The following MALT1 variants were observed in gnomAD, a reference collection of about 807,000 sequenced individuals.
The protein encoded by MALT1 is MALT1 paracaspase.
In MALT1, 36 loss-of-function variants were observed where a neutral mutation model predicts 85.5. The ratio of observed to expected loss-of-function variants is 0.42; its 90% CI spans 0.32 to 0.56. The LOEUF (loss-of-function observed/expected upper bound fraction) is 0.56. Among genes scored for constraint, MALT1 ranks in the 20% least tolerant of loss-of-function variants. The pLI is 0.10. For missense variants in MALT1, 716 were observed against 981.6 expected, an observed-to-expected ratio of 0.73 and a Z score of 3.62; for synonymous variants, 359 against 361.3, an observed-to-expected ratio of 0.99 and a Z score of 0.07.
chr18:58,710,829 A>T, intron 6 of MALT1, 92 bp from the exon 7 acceptor site: 1 of 762,408 alleles, frequency 1.3e-6, no homozygotes, highest in Non-Finnish European at 2.2e-6. Flanking sequence ...TGCCAACATT[A>T]TCTCTATGAT....
intron 2 of MALT1, among the ~76,000 whole-genome samples, chr18:58,694,830 T>A (rs1379632088): frequency 6.6e-6 from 1 of 152,188 alleles, no homozygotes; most frequent in South Asian, 2.1e-4. Context: ...GGTTGGAGGA[T>A]CTTCTCAGAT....
chr18:58,677,648 T>A (rs1001523233), intron 1 of MALT1: 2 of 151,240 alleles, frequency 1.3e-5, no homozygotes, highest in East Asian at 3.8e-4. Context: ...CTTTAACACC[T>A]AAAAATGGAA....
chr18:58,728,614 A>C (rs2055099666), intron 10 of MALT1, among the ~76,000 whole-genome samples: 1 of 152,172 alleles, frequency 6.6e-6, no homozygotes, highest in Non-Finnish European at 1.5e-5. Flanking sequence ...CAAATAAATA[A>C]ATAAATAAAT....
At position 58,710,089 on chromosome 18, in the gene MALT1, C is replaced by T. The variant is rs1418804438; in HGVS notation, c.925+17C>T. The T allele has an allele frequency of 6.0e-6, 9 of 1,510,410 alleles. No individual in the cohort carries two copies. Among genetic ancestry groups the T allele is most frequent in the Non-Finnish European group, 8.3e-6 (9 of 1,088,120 alleles). 93.6% of individuals were successfully genotyped at this position (1,510,410 alleles called of 1,614,324 possible). ...TCATCATAGGTAAGAAGTATTTCCC[C>T]AGTGTTCTGACAAGTGGACTATAAT... On this transcript the variant is annotated intron_variant, in intron 6 of 16. Coordinates refer to ENST00000649217, the MANE Select transcript of MALT1 (RefSeq NM_006785.4).
intron 14 of MALT1, among the ~76,000 whole-genome samples, chr18:58,742,907 A>G (rs547706251): frequency 6.6e-6 from 1 of 152,346 alleles, no homozygotes; most frequent in African/African-American, 2.4e-5. Context: ...CTGTAGCTTA[A>G]TTACCTTTTG....
intron 15 of MALT1, 60 bp downstream of exon 15, chr18:58,744,555 T>G (rs1171809458): frequency 9.6e-7 from 1 of 1,044,190 alleles, no homozygotes; most frequent in Non-Finnish European, 1.4e-6. Flanking sequence ...AAGACTAAAT[T>G]TTTTAAAACT....
At position 58,744,429 on chromosome 18, in the gene MALT1, T is replaced by C. The variant is rs530682546; in HGVS notation, c.1845T>C (p.Tyr615=). ...AGTTTTCCAATGTCATGATCATCTA[T>C]ACAAGTATAGTTTACAAACCACCGG... ...AAEFSNVMII[Y]TSIVYKPPEI... is the part of the protein sequence containing the mutation. Residue 615 remains tyrosine, a synonymous_variant, in exon 15 of 17, where the codon TAT becomes TAC. Coordinates refer to ENST00000649217, the MANE Select transcript of MALT1 (RefSeq NM_006785.4). 1 of 1,608,990 alleles carries C rather than the reference T, an allele frequency of 6.2e-7. No individual in the cohort carries two copies. Among genetic ancestry groups the C allele is most frequent in the South Asian group, 1.1e-5 (1 of 90,638 alleles).
At chr18:58,706,948 T>C (rs2144380140) in intron 4 of MALT1, among the ~76,000 whole-genome samples, 1 of 152,316 alleles carries the variant, frequency 6.6e-6, no homozygotes, top group East Asian at 1.9e-4. Context: ...ATATTTTTCT[T>C]CTACTTTCTT....
chr18:58,692,282 TG>T (rs2054517132), intron 2 of MALT1: 5 of 152,102 alleles, frequency 3.3e-5, no homozygotes, highest in Non-Finnish European at 7.4e-5. Flanking sequence ...AAAGAGCCCT[TG>T]CATTGCAAAG....
At position 58,681,171 on chromosome 18, in the gene MALT1, T is replaced by G. The variant is rs1305557136; in HGVS notation, c.211T>G (p.Cys71Gly). The G allele has an allele frequency of 6.2e-7, 1 of 1,610,794 alleles. No individual in the cohort carries two copies. Among genetic ancestry groups the G allele is most frequent in the African/African-American group, 1.3e-5 (1 of 74,688 alleles). Residue 71 changes from cysteine (C) to glycine (G), a missense_variant and splice_region_variant, in exon 2 of 17, where the codon TGC (cysteine) becomes GGC (glycine). Physicochemically the swap from Cys to Gly is radical, Grantham distance 159. Around this residue, in one of 4 missense-constraint regions of MALT1, gnomAD observed 290 missense variants for 380.5 expected, o/e 0.76. Coordinates refer to ENST00000649217, the MANE Select transcript of MALT1 (RefSeq NM_006785.4). Reference sequence around the variant, plus strand: ...TTGAATTCTTTCTGTTGCTTTCAGTTGCCTAGACCTGGAGCAGTGTTCTCT... The same window carrying G: ...TTGAATTCTTTCTGTTGCTTTCAGTGGCCTAGACCTGGAGCAGTGTTCTCT... The part of the protein sequence containing the change: ...AGSRGRLRLS[C>G]LDLEQCSLKV...
chr18:58,732,402 T>C (rs539294013), intron 10 of MALT1, among the ~76,000 whole-genome samples: 2 of 152,294 alleles, frequency 1.3e-5, no homozygotes, highest in South Asian at 4.1e-4. Flanking sequence ...ATCTGTTGAG[T>C]CCTAAAACTA....
intron 4 of MALT1, among the ~76,000 whole-genome samples, chr18:58,703,506 G>T (rs765792188): frequency 2.6e-5 from 4 of 152,192 alleles, no homozygotes; most frequent in African/African-American, 4.8e-5. Context: ...GTTCTGCATG[G>T]CTGGGGAGGC....
chr18:58,708,161 C>A (rs561516100), intron 4 of MALT1, among the ~76,000 whole-genome samples: 1 of 152,308 alleles, frequency 6.6e-6, no homozygotes, highest in African/African-American at 2.4e-5. Flanking sequence ...TCTGTTGTGC[C>A]GTCAGCCTTC....
chr18:58,738,789 C>CTGTG (rs35316552), intron 13 of MALT1, among the ~76,000 whole-genome samples: 5,690 of 125,188 alleles, frequency 0.045, 150 homozygotes, highest in Non-Finnish European at 0.057. Context: ...GTGCATTCTT[C>CTGTG]TGTGTGTGTG....
At chr18:58,721,771 C>G (rs906983309) in intron 9 of MALT1, among the ~76,000 whole-genome samples, 1 of 152,148 alleles carries the variant, frequency 6.6e-6, no homozygotes, top group Non-Finnish European at 1.5e-5. Context: ...GACGTCGAGT[C>G]AGCAATGTGA....
intron 4 of MALT1, among the ~76,000 whole-genome samples, chr18:58,705,165 T>A (rs953048451): frequency 2.0e-5 from 3 of 152,194 alleles, no homozygotes; most frequent in Non-Finnish European, 4.4e-5. Context: ...GTAGTAAACC[T>A]TCTACATATT....
intron 4 of MALT1, among the ~76,000 whole-genome samples, chr18:58,700,917 T>C (rs554410878): frequency 6.6e-6 from 1 of 152,160 alleles, no homozygotes; most frequent in East Asian, 1.9e-4. Flanking sequence ...CTTATCCTCC[T>C]GAGTAGCTGG....
rs961984325 is a variant in MALT1 at position 58,747,866 on chromosome 18, A to G, written c.*24A>G. 6 of 1,575,126 alleles carry G rather than the reference A, an allele frequency of 3.8e-6. No homozygotes were observed. Among genetic ancestry groups the G allele is most frequent in the Non-Finnish European group, 5.2e-6 (6 of 1,149,894 alleles). ...GACCTCCTTGTTTTTGAAAGTTAGC[A>G]TAATTTTAGATGCCTGTGAAATAGT... On this transcript the variant is annotated 3_prime_UTR_variant, in exon 17 of 17. Coordinates refer to ENST00000649217, the MANE Select transcript of MALT1 (RefSeq NM_006785.4).
At chr18:58,742,105 T>C in intron 14 of MALT1, 91 bp downstream of exon 14, 1 of 1,126,064 alleles carries the variant, frequency 8.9e-7, no homozygotes, top group Non-Finnish European at 1.2e-6. Flanking sequence ...CCTCCCAGTT[T>C]TACAGTGAAA....
Sources: gnomAD v4.1 joint callset for allele counts (sites outside exome capture counted in the v4.1 genomes callset) on GRCh38, gnomAD v4.1.1 for gene constraint, gnomAD v4.1.1 regional missense constraint, MANE v1.5 for transcripts, NCBI Gene and HGNC (gene_info 2026-07-23, HGNC 2026-07-21) for gene names.